The following UNC5D variants were observed in gnomAD, a reference collection of about 807,000 sequenced individuals.
The protein encoded by UNC5D is unc-5 netrin receptor D, also known as netrin receptor UNC5D.
UNC5D carries 39 observed loss-of-function variants against 105.4 expected under a neutral mutation model. The ratio of observed to expected loss-of-function variants is 0.37; its 90% CI spans 0.29 to 0.48. The LOEUF (loss-of-function observed/expected upper bound fraction) is 0.48. Ranked by LOEUF, UNC5D falls within the 20% of genes least tolerant of loss-of-function variation. The probability of loss-of-function intolerance (pLI) is 0.98; values close to 1 mark genes in which losing one functional copy is unlikely to be tolerated. For synonymous variants in UNC5D, 452 were observed against 450.4 expected, an observed-to-expected ratio of 1.00 and a Z score of -0.04; for missense variants, 991 against 1,202.4, an observed-to-expected ratio of 0.82 and a Z score of 2.60.
At chr8:35,643,733 G>A (rs1230182396) in intron 4 of UNC5D, among the ~76,000 whole-genome samples, 3 of 152,192 alleles carry the variant, frequency 2.0e-5, no homozygotes, top group South Asian at 4.1e-4. Context: ...GAGTCACTTA[G>A]TGGCTTCTAA....
chr8:35,778,399 C>A (rs1037516159), intron 16 of UNC5D, among the ~76,000 whole-genome samples: 1 of 152,164 alleles, frequency 6.6e-6, no homozygotes, highest in Non-Finnish European at 1.5e-5. Flanking sequence ...GTCACAACTT[C>A]CCATTGTAAA....
intron 7 of UNC5D, among the ~76,000 whole-genome samples, chr8:35,703,848 C>A (rs1340993511): frequency 1.3e-5 from 2 of 152,184 alleles, no homozygotes; most frequent in African/African-American, 4.8e-5. Flanking sequence ...CTTGGCCTGC[C>A]AGCCTCGCTG....
chr8:35,725,711 C>T (rs922905447), intron 9 of UNC5D, among the ~76,000 whole-genome samples: 12 of 152,248 alleles, frequency 7.9e-5, no homozygotes, highest in Admixed American at 3.9e-4. Flanking sequence ...CTAGTCACCA[C>T]GCTTTGTCAT....
intron 1 of UNC5D, among the ~76,000 whole-genome samples, chr8:35,535,344 C>CAT (rs940190820): frequency 1.3e-5 from 2 of 152,026 alleles, no homozygotes; most frequent in African/African-American, 4.8e-5. Context: ...TGACAGTATG[C>CAT]ATACCAGGCT....
In UNC5D at chr8:35,791,461, G is replaced by A. The variant is rs564520045; in HGVS notation, c.*898G>A. 3.3e-5 allele frequency: 5 copies of A among 152,212 alleles called. No homozygotes were observed. Among genetic ancestry groups the A allele is most frequent in the African/African-American group, 1.2e-4 (5 of 41,538 alleles). The allele number at this position is 152,212 out of a possible 1,614,324, so 9.4% of individuals were successfully genotyped here. ...GTTCAAAAACACATGAACTGCAGAT[G>A]CCATAGGCCTCAAATCAGCTGTAAT... On this transcript the variant is annotated 3_prime_UTR_variant, in exon 17 of 17. Coordinates refer to ENST00000404895, the MANE Select transcript of UNC5D (RefSeq NM_080872.4).
chr8:35,632,321 C>G (rs1210786684), intron 4 of UNC5D, among the ~76,000 whole-genome samples: 1 of 152,184 alleles, frequency 6.6e-6, no homozygotes, highest in Non-Finnish European at 1.5e-5. Context: ...AGCATTGATA[C>G]CCTGCATAAC....
intron 4 of UNC5D, among the ~76,000 whole-genome samples, chr8:35,669,503 A>C (rs571909018): frequency 6.6e-6 from 1 of 151,976 alleles, no homozygotes; most frequent in African/African-American, 2.4e-5. Flanking sequence ...GCAAATTTCT[A>C]TCCATCCTAT....
chr8:35,608,793 G>A (rs1187570268), intron 4 of UNC5D, among the ~76,000 whole-genome samples: 1 of 123,998 alleles, frequency 8.1e-6, no homozygotes, highest in Non-Finnish European at 1.6e-5. Context: ...CATTGTGTAT[G>A]TATACATTTT....
chr8:35,370,360 T>G (rs986601990), intron 1 of UNC5D, among the ~76,000 whole-genome samples: 1 of 152,240 alleles, frequency 6.6e-6, no homozygotes, highest in Non-Finnish European at 1.5e-5. Flanking sequence ...GTTGAATACC[T>G]TTTAATATTT....
chr8:35,366,556 C>T (rs571703009), intron 1 of UNC5D, among the ~76,000 whole-genome samples: 1 of 152,264 alleles, frequency 6.6e-6, no homozygotes, highest in South Asian at 2.1e-4. Flanking sequence ...TAATTGTCCA[C>T]TTACCCTTCC....
rs1239882068 is a variant in UNC5D at position 35,790,714 on chromosome 8, AT to A, written c.*152del. 3.7e-5 allele frequency: 29 copies of A among 774,214 alleles called. No individual in the cohort carries two copies. The Middle Eastern group carries it at 1.1e-3, about 30-fold the overall frequency. The allele number at this position is 774,214 out of a possible 1,614,324, so 48.0% of individuals were successfully genotyped here. A position where few individuals can be genotyped will look rare whatever the true frequency, so the allele number is the denominator to read the frequency against. The stretch of plus-strand genomic sequence containing the variant: ...CCCTGTTGAAGAAACTAAATTTTAT[AT>A]AGGTAAAACATGTTAATAGGGAAGA... On this transcript the variant is annotated 3_prime_UTR_variant, in exon 17 of 17. Coordinates refer to ENST00000404895, the MANE Select transcript of UNC5D (RefSeq NM_080872.4).
chr8:35,741,497 A>G (rs1350097310), intron 11 of UNC5D, among the ~76,000 whole-genome samples: 1 of 152,106 alleles, frequency 6.6e-6, no homozygotes, highest in Non-Finnish European at 1.5e-5. Flanking sequence ...TCCTGCCCCT[A>G]TGAATGGACT....
At chr8:35,762,745 G>A (rs1041419277) in intron 14 of UNC5D, among the ~76,000 whole-genome samples, 6 of 152,030 alleles carry the variant, frequency 3.9e-5, no homozygotes, top group Non-Finnish European at 8.8e-5. Context: ...GTGGGGTAGG[G>A]GAGCTGTAAT....
chr8:35,641,402 A>T (rs1822732618), intron 4 of UNC5D, among the ~76,000 whole-genome samples: 1 of 149,958 alleles, frequency 6.7e-6, no homozygotes, highest in Admixed American at 6.7e-5. Flanking sequence ...AAAAAACAGC[A>T]TCTACAACAT....
chr8:35,493,281 C>CAA (rs35199794), intron 1 of UNC5D, among the ~76,000 whole-genome samples: 1,218 of 66,102 alleles, frequency 0.018, 34 homozygotes, highest in African/African-American at 0.05. Context: ...AGTCTGTGAC[C>CAA]AAAAAAAAAA....
In UNC5D at chr8:35,555,227, T is replaced by C. The variant is rs1051114771; in HGVS notation, c.322+5717T>C. On this transcript the variant is annotated intron_variant, in intron 2 of 16. Transcript: ENST00000404895. ...TCCCTCCCCACCTTAGATTTCATCT[T>C]GTTCATCACTCTACTTCTCAGAGAA... 4.4e-4 allele frequency among the ~76,000 whole-genome samples: 67 copies of C among 152,164 alleles called. 1 individual carries two copies. The highest frequency in any genetic ancestry group is 8.8e-5 in the Non-Finnish European group (6 of 68,036).
chr8:35,579,665 A>G (rs2130835655), intron 3 of UNC5D, among the ~76,000 whole-genome samples: 1 of 152,338 alleles, frequency 6.6e-6, no homozygotes, highest in Middle Eastern at 3.4e-3. Flanking sequence ...GCAACACAGT[A>G]CTTGTAGTGA....
chr8:35,382,103 T>C (rs756783378), intron 1 of UNC5D, among the ~76,000 whole-genome samples: 1 of 152,208 alleles, frequency 6.6e-6, no homozygotes, highest in Non-Finnish European at 1.5e-5. Flanking sequence ...GATACATTTT[T>C]AAGTAACAAG....
rs1306626096 is a variant in UNC5D at position 35,456,774 on chromosome 8, A to G, written c.104-92518A>G. 3.3e-5 allele frequency among the ~76,000 whole-genome samples: 5 copies of G among 152,182 alleles called. No individual in the cohort carries two copies. In the East Asian group the frequency reaches 9.6e-4, roughly 29 times the overall value. On this transcript the variant is annotated intron_variant, in intron 1 of 16. Transcript: ENST00000404895. ...ATCTAATAGTGCCTCACTGCATTAC[A>G]TGGGAATCTGGGCCTTAACGCTGCA...
Sources: allele counts gnomAD v4.1 joint callset (sites outside exome capture counted in the v4.1 genomes callset), GRCh38; gene constraint gnomAD v4.1.1; transcripts MANE v1.5; gene names NCBI Gene and HGNC (gene_info 2026-07-23, HGNC 2026-07-21).